GTF3C1: variants seen among roughly 807,000 people sequenced by gnomAD.
The protein encoded by GTF3C1 is general transcription factor IIIC subunit 1.
Under a neutral mutation model 226.7 loss-of-function variants are expected in GTF3C1, and 57 were observed. The observed-to-expected ratio is 0.25, with a 90% CI of 0.20 to 0.31. The LOEUF (loss-of-function observed/expected upper bound fraction) is 0.31. Ranked by LOEUF, GTF3C1 falls within the 10% of genes least tolerant of loss-of-function variation. GTF3C1 has a pLI of 1.00. For missense variants in GTF3C1, 2,217 were observed against 2,776.1 expected, an observed-to-expected ratio of 0.80 and a Z score of 4.53; for synonymous variants, 1,090 against 1,084.8, an observed-to-expected ratio of 1.00 and a Z score of -0.09.
intron 25 of GTF3C1, among the ~76,000 whole-genome samples, chr16:27,484,001 G>A (rs920173700): frequency 6.6e-6 from 1 of 152,172 alleles, no homozygotes; most frequent in African/African-American, 2.4e-5. Context: ...GCCGCTATAA[G>A]GTCTAAGCAA....
intron 17 of GTF3C1, 78 bp downstream of exon 17, chr16:27,493,121 G>A: frequency 1.3e-6 from 1 of 780,090 alleles, no homozygotes; most frequent in Non-Finnish European, 2.3e-6. Context: ...CCTCTTCCTG[G>A]TGAATGATGG....
In GTF3C1 at chr16:27,462,435, G is replaced by A. The variant is rs1323388427; in HGVS notation, c.5976C>T (p.Gly1992=). 2 of 1,613,490 alleles carry A rather than the reference G, an allele frequency of 1.2e-6. No individual in the cohort carries two copies. Among genetic ancestry groups the A allele is most frequent in the African/African-American group, 2.7e-5 (2 of 75,010 alleles). ...CCTTGCATACAGGAAGGTTCAGGTG[G>A]CCATCCACGACACGCCACGGCCGGC... ...FIGRPWRVVD[G]HLNLPVCKGM... Residue 1992 remains glycine (G), a synonymous_variant, in exon 36 of 37, where the codon GGC becomes GGT. Coordinates refer to ENST00000356183, the MANE Select transcript of GTF3C1 (RefSeq NM_001520.4). The surrounding 1 kb of genome is among the most constrained non-coding windows in gnomAD (Gnocchi z 4.5).
chr16:27,463,311 C>G lies in GTF3C1; in HGVS notation c.5924+230G>C. 1 of 564,188 alleles carries G rather than the reference C, an allele frequency of 1.8e-6. No homozygotes were observed. Among genetic ancestry groups the G allele is most frequent in the South Asian group, 2.3e-5 (1 of 43,848 alleles). The allele number at this position is 564,188 out of a possible 1,614,324, so 34.9% of individuals were successfully genotyped here. A position where few individuals can be genotyped will look rare whatever the true frequency, so the allele number is the denominator to read the frequency against. On this transcript the variant is annotated intron_variant, in intron 35 of 36. Transcript: ENST00000356183. The surrounding 1 kb of genome is among the most constrained non-coding windows in gnomAD (Gnocchi z 4.9). ...GTTCTCCACCAGCGCCCTGGGCATT[C>G]TGGAAGCGCAGCCCTCATTCCAGGC...
In GTF3C1 at chr16:27,463,898, C is replaced by T. The variant is rs910426176; in HGVS notation, c.5873-306G>A. 4.9e-5 allele frequency: 22 copies of T among 447,684 alleles called. No homozygotes were observed. The highest frequency in any genetic ancestry group is 5.7e-4 in the Middle Eastern group (1 of 1,754). The allele number at this position is 447,684 out of a possible 1,614,324, so 27.7% of individuals were successfully genotyped here. A position where few individuals can be genotyped will look rare whatever the true frequency, so the allele number is the denominator to read the frequency against. ...CCCCGACCACAAGGGTGGTATAAAA[C>T]CCGAGGCAAAAACACCCCAAAGAAA... is the stretch of plus-strand genomic sequence containing the variant. On this transcript the variant is annotated intron_variant, in intron 34 of 36. Transcript: ENST00000356183. The surrounding 1 kb of genome is among the most constrained non-coding windows in gnomAD (Gnocchi z 4.9).
In GTF3C1 at chr16:27,493,292, T is replaced by C. The variant is rs1257423499; in HGVS notation, c.2783A>G (p.Asp928Gly). The change falls in exon 17 of 37, where the codon GAC becomes GGC. Residue 928 changes from aspartate to glycine, a missense_variant. Asp to Gly is a moderately conservative substitution (Grantham distance 94). Coordinates refer to ENST00000356183, the MANE Select transcript of GTF3C1 (RefSeq NM_001520.4). ...GTCGTTCAGAAATTCCTCCAGGTTG[T>C]CCACCTGAAGAGGTGATGTGCAGGT... ...IQIVQVSYKV[D>G]NLEEFLNDPL... 5 of 1,578,534 alleles carry C rather than the reference T, an allele frequency of 3.2e-6. No homozygotes were observed. In the South Asian group the frequency reaches 5.5e-5, roughly 17 times the overall value.
At chr16:27,489,529 G>A in intron 20 of GTF3C1, 73 bp downstream of exon 20, 1 of 1,219,386 alleles carries the variant, frequency 8.2e-7, no homozygotes, top group South Asian at 1.4e-5. Context: ...AGCCAGACAA[G>A]GGCGGGCAGG....
rs1596610088 is a variant in GTF3C1, at chr16:27,463,761, T to G, written c.5873-169A>C. The stretch of plus-strand genomic sequence containing the variant: ...TCTCACAGAGCGGCCACCCTGGAGG[T>G]GGCAGGGCCGGGCAGACTGCCGCAC... On this transcript the variant is annotated intron_variant, in intron 34 of 36. Coordinates refer to ENST00000356183, the MANE Select transcript of GTF3C1 (RefSeq NM_001520.4). This position sits in a 1 kb window ranked among gnomAD's most constrained non-coding sequence, Gnocchi z 4.9. The G allele has an allele frequency of 1.5e-6, 1 of 655,092 alleles. No homozygotes were observed. Among genetic ancestry groups the G allele is most frequent in the East Asian group, 2.8e-5 (1 of 36,144 alleles). The allele number at this position is 655,092 out of a possible 1,614,324, so 40.6% of individuals were successfully genotyped here.
Position 27,462,772 on chromosome 16 carries a change from G to A in GTF3C1, c.5925-286C>T, listed in dbSNP as rs1474830892. On this transcript the variant is annotated intron_variant, in intron 35 of 36. Coordinates refer to ENST00000356183, the MANE Select transcript of GTF3C1 (RefSeq NM_001520.4). This position sits in a 1 kb window ranked among gnomAD's most constrained non-coding sequence, Gnocchi z 4.5. ...TTGGCAGGAGAGGGACAAGGGTTGT[G>A]ACTCCTGGACTTGCCAGCTCTACTG... The A allele has an allele frequency of 2.5e-5, 10 of 407,502 alleles. No individual in the cohort carries two copies. The Admixed American group carries it at 3.6e-4, about 15-fold the overall frequency. The allele number at this position is 407,502 out of a possible 1,614,324, so 25.2% of individuals were successfully genotyped here.
intron 12 of GTF3C1, among the ~76,000 whole-genome samples, chr16:27,500,612 T>C (rs553581358): frequency 6.6e-6 from 1 of 152,322 alleles, no homozygotes; most frequent in South Asian, 2.1e-4. Flanking sequence ...TGCCTGGCTG[T>C]ACCATCACAA....
chr16:27,543,283 G>A (rs1331520633), intron 2 of GTF3C1, among the ~76,000 whole-genome samples: 1 of 152,216 alleles, frequency 6.6e-6, no homozygotes, highest in African/African-American at 2.4e-5. Flanking sequence ...CTACTCGGGA[G>A]GCTGAGGCAG....
intron 6 of GTF3C1, among the ~76,000 whole-genome samples, chr16:27,512,632 G>T (rs1274142703): frequency 1.3e-5 from 2 of 152,210 alleles, no homozygotes; most frequent in Admixed American, 1.3e-4. Context: ...ATCACACTGT[G>T]TGATGCATCT....
chr16:27,544,788 A>G (rs1239806727), intron 2 of GTF3C1, among the ~76,000 whole-genome samples: 1 of 152,170 alleles, frequency 6.6e-6, no homozygotes, highest in Non-Finnish European at 1.5e-5. Flanking sequence ...TCAAGTGCTC[A>G]AGGACTGTGA....
In GTF3C1 at chr16:27,461,488, G is replaced by A. The variant is rs757946856; in HGVS notation, c.6192C>T (p.Pro2064=). ...AGGGCACTTCCACCTCTTCCACCAC[G>A]GGTGTAGAGAAGAGCGAGACAGGCC... ...KPRPVSLFST[P]VVEEVEVPSS... is the part of the protein sequence containing the mutation. Residue 2064 remains proline (P), a synonymous_variant, in exon 37 of 37, where the codon CCC becomes CCT. Coordinates refer to ENST00000356183, the MANE Select transcript of GTF3C1 (RefSeq NM_001520.4). This position sits in a 1 kb window ranked among gnomAD's most constrained non-coding sequence, Gnocchi z 5.3. The A allele has an allele frequency of 8.7e-6, 14 of 1,613,742 alleles. No homozygotes were observed. The highest frequency in any genetic ancestry group is 6.6e-5 in the South Asian group (6 of 91,084).
At chr16:27,512,291 C>T (rs118143881) in intron 6 of GTF3C1, among the ~76,000 whole-genome samples, 2,426 of 152,230 alleles carry the variant, frequency 0.016, 32 homozygotes, top group Non-Finnish European at 0.021. Flanking sequence ...AGGAGGCACG[C>T]GAGCAGTATT....
In GTF3C1 at chr16:27,464,457, G is replaced by A. The variant is rs941469987; in HGVS notation, c.5735C>T (p.Pro1912Leu). The A allele has an allele frequency of 3.8e-6, 6 of 1,597,302 alleles. No homozygotes were observed. Among genetic ancestry groups the A allele is most frequent in the Middle Eastern group, 3.3e-4 (2 of 5,984 alleles). ...AGCGGTGTCTTCAAGAGCTGGGGGT[G>A]GAGATGGGGCCTGGGCTTCTGCCCC... ...EDGAEAQAPS[P>L]PPALEDTAAA... The change falls in exon 34 of 37, where the codon CCA becomes CTA. Residue 1912 changes from proline (P) to leucine (L), a missense_variant. Pro to Leu is a moderately conservative substitution (Grantham distance 98). This residue lies in a region of GTF3C1 where 455 missense variants were observed against 441.9 expected (regional missense o/e 1.03). Transcript: ENST00000356183.
intron 21 of GTF3C1, 48 bp from the exon 22 acceptor site, chr16:27,488,683 C>T (rs756962860): frequency 6.9e-7 from 1 of 1,454,788 alleles, no homozygotes; most frequent in South Asian, 1.1e-5. Context: ...TTCCACAAAT[C>T]CCCAGCCGCC....
intron 14 of GTF3C1, among the ~76,000 whole-genome samples, chr16:27,496,757 C>G (rs1249980869): frequency 6.6e-6 from 1 of 152,182 alleles, no homozygotes; most frequent in Admixed American, 6.5e-5. Context: ...TGCGCTGTTG[C>G]TTGATTTTCC....
At position 27,465,398 on chromosome 16, in the gene GTF3C1, C is replaced by G; in HGVS notation, c.5217G>C (p.Leu1739=). 1.2e-6 allele frequency: 2 copies of G among 1,614,172 alleles called. No homozygotes were observed. Among genetic ancestry groups the G allele is most frequent in the Non-Finnish European group, 1.7e-6 (2 of 1,180,020 alleles). Residue 1739 remains leucine, a synonymous_variant, in exon 33 of 37, where the codon CTG becomes CTC. Transcript: ENST00000356183. ...CTTCCAAGATCTCCAAGGCAGCAGT[C>G]AGGTCTTCGGGACTATACCCAGACA... ...LELSGYSPED[L]TAALEILEAI...
At chr16:27,500,962 G>A (rs889761696) in intron 12 of GTF3C1, among the ~76,000 whole-genome samples, 1 of 152,196 alleles carries the variant, frequency 6.6e-6, no homozygotes, top group African/African-American at 2.4e-5. Context: ...CACAGGGCTG[G>A]ATGCCTGCAC....
Sources: gnomAD v4.1 joint callset for allele counts (sites outside exome capture counted in the v4.1 genomes callset) on GRCh38, gnomAD v4.1.1 for gene constraint, gnomAD v4.1.1 regional missense constraint, Gnocchi (gnomAD v3.1) non-coding constraint, MANE v1.5 for transcripts, NCBI Gene and HGNC (gene_info 2026-07-23, HGNC 2026-07-21) for gene names.